Variants in HECW1 observed in about 807,000 individuals in gnomAD.
The protein encoded by HECW1 is HECT, C2 and WW domain containing E3 ubiquitin protein ligase 1.
A neutral mutation model predicts 182.3 loss-of-function variants in HECW1; 61 were observed. The ratio of observed to expected loss-of-function variants is 0.33; its 90% confidence interval spans 0.27 to 0.41. The LOEUF is 0.41. HECW1 is among the 10% of genes least tolerant of loss of function. HECW1 has a pLI of 1.00. For synonymous variants in HECW1, 859 were observed against 832.6 expected (o/e 1.03, Z -0.55); for missense variants, 1,739 against 2,108.9 (o/e 0.82, Z 3.44).
intron 29 of HECW1, among the ~76,000 whole-genome samples, chr7:43,558,957 G>A (rs772310141): frequency 2.0e-5 from 3 of 152,228 alleles, no homozygotes; most frequent in Non-Finnish European, 1.5e-5. Flanking sequence ...GAACAAGGCT[G>A]TAGTTAGGCA....
chr7:43,306,333 G>A (rs1807563475), intron 3 of HECW1, among the ~76,000 whole-genome samples: 1 of 150,262 alleles, frequency 6.7e-6, no homozygotes, highest in Admixed American at 6.6e-5. Flanking sequence ...ACATTTCTTG[G>A]TTTGTAAATT....
At chr7:43,216,353 C>T (rs1170967164) in intron 2 of HECW1, among the ~76,000 whole-genome samples, 2 of 152,072 alleles carry the variant, frequency 1.3e-5, no homozygotes, top group African/African-American at 4.8e-5. Context: ...ACCATATTGG[C>T]CAGGCTGATC....
At chr7:43,197,749 C>T (rs1237620497) in intron 2 of HECW1, among the ~76,000 whole-genome samples, 1 of 152,100 alleles carries the variant, frequency 6.6e-6, no homozygotes, top group Non-Finnish European at 1.5e-5. Flanking sequence ...ACACAGACCG[C>T]TTCCAGGACT....
intron 3 of HECW1, among the ~76,000 whole-genome samples, chr7:43,266,594 A>G (rs1274923789): frequency 6.6e-6 from 1 of 152,192 alleles, no homozygotes; most frequent in African/African-American, 2.4e-5. Flanking sequence ...TCGGCCTCCC[A>G]AAGTGCTGGG....
At chr7:43,333,445 A>C (rs1347422446) in intron 5 of HECW1, among the ~76,000 whole-genome samples, 1 of 152,234 alleles carries the variant, frequency 6.6e-6, no homozygotes, top group Non-Finnish European at 1.5e-5. Context: ...GATGGATTCC[A>C]TTTGTATATG....
intron 3 of HECW1, among the ~76,000 whole-genome samples, chr7:43,265,178 A>G (rs1801640949): frequency 6.6e-6 from 1 of 152,160 alleles, no homozygotes; most frequent in Non-Finnish European, 1.5e-5. Flanking sequence ...AGCTCTGCTC[A>G]TTCTAGCCGC....
At chr7:43,157,144 A>G (rs1298824367) in intron 2 of HECW1, among the ~76,000 whole-genome samples, 1 of 152,214 alleles carries the variant, frequency 6.6e-6, no homozygotes, top group Non-Finnish European at 1.5e-5. Context: ...CATGCGTATA[A>G]AAAAGTACCA....
intron 2 of HECW1, among the ~76,000 whole-genome samples, chr7:43,173,532 A>G (rs2152669278): frequency 6.6e-6 from 1 of 152,354 alleles, no homozygotes; most frequent in East Asian, 1.9e-4. Context: ...TTTGGGGATG[A>G]AACTGTTCCA....
intron 2 of HECW1, among the ~76,000 whole-genome samples, chr7:43,196,853 A>G (rs1794505432): frequency 1.3e-5 from 2 of 152,230 alleles, no homozygotes; most frequent in Admixed American, 6.5e-5. Flanking sequence ...CATGTGCATC[A>G]GAAAGTGAGA....
chr7:43,234,414 C>T (rs570859222), intron 2 of HECW1, among the ~76,000 whole-genome samples: 6 of 152,306 alleles, frequency 3.9e-5, no homozygotes, highest in African/African-American at 1.4e-4. Context: ...CAACCCGGCC[C>T]CTTGTGACAT....
chr7:43,377,882 A>G (rs1020187783), intron 6 of HECW1: 18 of 192,844 alleles, frequency 9.3e-5, no homozygotes, highest in African/African-American at 4.2e-4. Flanking sequence ...CTTCACTGCA[A>G]CTCTCTTTTA....
chr7:43,492,654 G>A (rs762702558), intron 18 of HECW1, among the ~76,000 whole-genome samples: 1 of 152,092 alleles, frequency 6.6e-6, no homozygotes, highest in Non-Finnish European at 1.5e-5. Context: ...CATCTAAATG[G>A]TATTTCCATT....
intron 6 of HECW1, among the ~76,000 whole-genome samples, chr7:43,385,827 C>T (rs1324017756): frequency 6.6e-6 from 1 of 152,202 alleles, no homozygotes; most frequent in African/African-American, 2.4e-5. Context: ...TACAAATTAT[C>T]ACAAAGTTAG....
rs186927986 is a variant in HECW1 at position 43,446,074 on chromosome 7, G to A, written c.2398+504G>A. Among the ~76,000 whole-genome samples the A allele has an allele frequency of 2.1e-3, 319 of 152,258 alleles. 1 individual carries two copies. The highest frequency in any genetic ancestry group is 2.9e-3 in the Admixed American group (45 of 15,302). On this transcript the variant is annotated intron_variant, in intron 11 of 29. Coordinates refer to ENST00000395891, the MANE Select transcript of HECW1 (RefSeq NM_015052.5). ...TTTAGAATTCAACTAGCCCATGTAC[G>A]TACATATAGATATGTCTAGCCTACA...
chr7:43,290,714 C>T (rs921377236), intron 3 of HECW1, among the ~76,000 whole-genome samples: 2 of 152,180 alleles, frequency 1.3e-5, no homozygotes, highest in Non-Finnish European at 2.9e-5. Flanking sequence ...GCCCCAGTGA[C>T]AAGTAGTAGG....
At chr7:43,286,681 C>T (rs937581376) in intron 3 of HECW1, among the ~76,000 whole-genome samples, 2 of 152,106 alleles carry the variant, frequency 1.3e-5, no homozygotes, top group African/African-American at 2.4e-5. Flanking sequence ...CACCCACCCC[C>T]CCAAAGGTGT....
At chr7:43,339,627 T>C (rs943981021) in intron 5 of HECW1, among the ~76,000 whole-genome samples, 8 of 152,190 alleles carry the variant, frequency 5.3e-5, no homozygotes, top group African/African-American at 1.9e-4. Context: ...TTGCCATACA[T>C]TGGGTATGAA....
intron 2 of HECW1, among the ~76,000 whole-genome samples, chr7:43,130,202 A>G (rs1296181668): frequency 2.0e-5 from 3 of 152,190 alleles, no homozygotes; most frequent in South Asian, 2.1e-4. Context: ...TTGACATTGT[A>G]TAAGTGTATA....
At chr7:43,272,044 C>T (rs1802467916) in intron 3 of HECW1, among the ~76,000 whole-genome samples, 1 of 151,842 alleles carries the variant, frequency 6.6e-6, no homozygotes, top group African/African-American at 2.4e-5. Context: ...ATAAGGCCAC[C>T]CCCCTACAGT....
Sources: allele counts gnomAD v4.1 joint callset (sites outside exome capture counted in the v4.1 genomes callset), GRCh38; gene constraint gnomAD v4.1.1; transcripts MANE v1.5; gene names NCBI Gene and HGNC (gene_info 2026-07-23, HGNC 2026-07-21).